Variants in TIAM1 observed in about 807,000 individuals in gnomAD.
TIAM1 encodes rho guanine nucleotide exchange factor TIAM1.
A neutral mutation model predicts 163.5 loss-of-function variants in TIAM1; 65 were observed. That is an observed-to-expected ratio of 0.40 (90% CI 0.33 to 0.49). The LOEUF (loss-of-function observed/expected upper bound fraction) is 0.49, where lower values mean the gene tolerates loss of function less well. Ranked by LOEUF, TIAM1 falls within the 20% of genes least tolerant of loss-of-function variation. TIAM1 has a pLI of 0.77. For synonymous variants in TIAM1, 833 were observed against 810.1 expected (o/e 1.03, Z -0.48); for missense variants, 1,789 against 2,044.7 (o/e 0.87, Z 2.41).
At chr21:31,386,273 C>G (rs2076869222) in intron 2 of TIAM1, among the ~76,000 whole-genome samples, 1 of 152,024 alleles carries the variant, frequency 6.6e-6, no homozygotes, top group Admixed American at 6.6e-5. Flanking sequence ...CTCAACTCTG[C>G]TCCTGGTCTC....
chr21:31,351,418 G>C (rs2076232435), intron 2 of TIAM1, among the ~76,000 whole-genome samples: 2 of 152,152 alleles, frequency 1.3e-5, no homozygotes, highest in African/African-American at 4.8e-5. Flanking sequence ...CATATAATTT[G>C]GGGGCTCCAA....
intron 3 of TIAM1, among the ~76,000 whole-genome samples, chr21:31,270,750 C>T (rs986209230): frequency 1.8e-4 from 28 of 152,184 alleles, no homozygotes; most frequent in African/African-American, 6.8e-4. Flanking sequence ...CATCCGTTAT[C>T]GTTAGTGTTA....
At chr21:31,291,479 AT>A in intron 2 of TIAM1, among the ~76,000 whole-genome samples, 1 of 152,096 alleles carries the variant, frequency 6.6e-6, no homozygotes, top group East Asian at 1.9e-4. Flanking sequence ...CCCCTCCAAA[AT>A]ACACACCCTT....
At chr21:31,231,401 T>C (rs1015111661) in intron 6 of TIAM1, among the ~76,000 whole-genome samples, 4 of 152,170 alleles carry the variant, frequency 2.6e-5, no homozygotes, top group African/African-American at 4.8e-5. Flanking sequence ...TAATCTGATA[T>C]GTTCTGTGGA....
intron 1 of TIAM1, among the ~76,000 whole-genome samples, chr21:31,549,386 G>A (rs183267288): frequency 1.3e-3 from 199 of 152,076 alleles, no homozygotes; most frequent in Middle Eastern, 3.4e-3. Context: ...AAATGACAAC[G>A]CACAGAATGG....
intron 2 of TIAM1, among the ~76,000 whole-genome samples, chr21:31,373,976 C>G (rs531050149): frequency 1.3e-4 from 20 of 152,166 alleles, no homozygotes; most frequent in Non-Finnish European, 2.4e-4. Context: ...AAGCACAGCC[C>G]CAACCAAGGT....
intron 2 of TIAM1, among the ~76,000 whole-genome samples, chr21:31,363,269 G>A (rs1414193): frequency 0.3 from 46,292 of 151,966 alleles, 7,313 homozygotes; most frequent in East Asian, 0.58. Context: ...GCATTTGATC[G>A]TGTTAACTTC....
intron 1 of TIAM1, among the ~76,000 whole-genome samples, chr21:31,343,902 C>T (rs540122253): frequency 2.2e-4 from 34 of 152,308 alleles, no homozygotes; most frequent in African/African-American, 8.2e-4. Flanking sequence ...CCAGCGTCGC[C>T]GCCGTCCCCT....
intron 8 of TIAM1, among the ~76,000 whole-genome samples, chr21:31,220,381 A>C (rs552171980): frequency 1.2e-4 from 19 of 152,318 alleles, no homozygotes; most frequent in African/African-American, 4.6e-4. Flanking sequence ...CACAAAGCAA[A>C]AGCACATCCT....
Position 31,152,932 on chromosome 21 carries a change from G to A in TIAM1, c.3240+134C>T, listed in dbSNP as rs1422563609. 7.2e-6 allele frequency: 9 copies of A among 1,257,044 alleles called. No individual in the cohort carries two copies. The African/African-American group carries it at 1.4e-4, about 19-fold the overall frequency. The allele number at this position is 1,257,044 out of a possible 1,614,324, so 77.9% of individuals were successfully genotyped here. On this transcript the variant is annotated intron_variant, in intron 18 of 27. Coordinates refer to ENST00000541036, the MANE Select transcript of TIAM1 (RefSeq NM_001353694.2). The stretch of plus-strand genomic sequence containing the variant: ...TCATGAGCACACCAAAGCTTAGCAG[G>A]CAATAATTTCAGCTAGTTACAATTA...
intron 1 of TIAM1, among the ~76,000 whole-genome samples, chr21:31,544,929 C>T (rs1243495038): frequency 2.6e-5 from 4 of 152,050 alleles, no homozygotes; most frequent in East Asian, 1.9e-4. Flanking sequence ...AGGAGAATGG[C>T]GTGAACCCGG....
chr21:31,178,303 C>CTTTTTTTT (rs10671534), intron 15 of TIAM1, among the ~76,000 whole-genome samples: 9 of 96,094 alleles, frequency 9.4e-5, no homozygotes, highest in Admixed American at 1.5e-4. Flanking sequence ...TTCAGGAATT[C>CTTTTTTTT]TTTTTTTTTT....
At chr21:31,466,715 T>C (rs1458534407) in intron 1 of TIAM1, among the ~76,000 whole-genome samples, 1 of 152,176 alleles carries the variant, frequency 6.6e-6, no homozygotes, top group Non-Finnish European at 1.5e-5. Flanking sequence ...TGCCCAGTAA[T>C]ACCTGACACC....
intron 2 of TIAM1, among the ~76,000 whole-genome samples, chr21:31,282,675 G>A (rs2073621378): frequency 6.6e-6 from 1 of 152,208 alleles, no homozygotes; most frequent in Non-Finnish European, 1.5e-5. Flanking sequence ...CTGGGGCAGG[G>A]CCAGGACTCC....
intron 1 of TIAM1, among the ~76,000 whole-genome samples, chr21:31,470,417 T>A (rs987581958): frequency 4.6e-5 from 7 of 152,084 alleles, no homozygotes; most frequent in African/African-American, 1.7e-4. Flanking sequence ...CACTGCAACT[T>A]CTACCTCCAG....
chr21:31,176,123 G>A (rs548358491), intron 15 of TIAM1, among the ~76,000 whole-genome samples: 2 of 152,228 alleles, frequency 1.3e-5, no homozygotes, highest in African/African-American at 4.8e-5. Flanking sequence ...CTATTGTCTC[G>A]TAGTGGCTTG....
chr21:31,536,948 T>C (rs1419844583), intron 1 of TIAM1, among the ~76,000 whole-genome samples: 1 of 152,228 alleles, frequency 6.6e-6, no homozygotes, highest in Non-Finnish European at 1.5e-5. Flanking sequence ...TTCTGGACAC[T>C]AGAAGTCCAA....
intron 22 of TIAM1, among the ~76,000 whole-genome samples, chr21:31,137,280 G>C (rs565583411): frequency 5.4e-4 from 83 of 152,368 alleles, no homozygotes; most frequent in Non-Finnish European, 9.4e-4. Context: ...ACAGGATACA[G>C]AGGTATTGTT....
Position 31,120,880 on chromosome 21 carries a change from C to T in TIAM1, c.4307-43G>A. On this transcript the variant is annotated intron_variant, in intron 27 of 27. Coordinates refer to ENST00000541036, the MANE Select transcript of TIAM1 (RefSeq NM_001353694.2). This position sits in a 1 kb window ranked among gnomAD's most constrained non-coding sequence, Gnocchi z 4.2. ...AATATAAAAATAAAACCCCCACATG[C>T]TTTACGTGAGATGAAAATCCAGAAA... The T allele has an allele frequency of 1.3e-6, 2 of 1,514,088 alleles. No homozygotes were observed. Among genetic ancestry groups the T allele is most frequent in the East Asian group, 2.3e-5 (1 of 43,034 alleles). 93.8% of individuals were successfully genotyped at this position (1,514,088 alleles called of 1,614,324 possible).
Sources: gnomAD v4.1 joint callset for allele counts (sites outside exome capture counted in the v4.1 genomes callset) on GRCh38, gnomAD v4.1.1 for gene constraint, Gnocchi (gnomAD v3.1) non-coding constraint, MANE v1.5 for transcripts, NCBI Gene and HGNC (gene_info 2026-07-23, HGNC 2026-07-21) for gene names.